HUNK: variants seen among roughly 807,000 people sequenced by gnomAD.
HUNK encodes hormonally up-regulated neu tumor-associated kinase.
In HUNK, 21 loss-of-function variants were observed where a neutral mutation model predicts 61.0. That is an observed-to-expected ratio of 0.34 (90% CI 0.24 to 0.50). HUNK has a LOEUF of 0.50. Among genes scored for constraint, HUNK ranks in the 20% least tolerant of loss-of-function variants. The probability of loss-of-function intolerance (pLI) is 0.98; values close to 1 mark genes in which losing one functional copy is unlikely to be tolerated. For missense variants in HUNK, 772 were observed against 945.7 expected (o/e 0.82, Z 2.41); for synonymous variants, 371 against 386.1 (o/e 0.96, Z 0.46).
chr21:31,973,793 G>A (rs2053029781), intron 6 of HUNK, among the ~76,000 whole-genome samples: 1 of 152,164 alleles, frequency 6.6e-6, no homozygotes. Flanking sequence ...AGGACTATCA[G>A]GATGACTAAG....
intron 1 of HUNK, among the ~76,000 whole-genome samples, chr21:31,878,738 A>G (rs1404665567): frequency 6.6e-6 from 1 of 152,212 alleles, no homozygotes; most frequent in Non-Finnish European, 1.5e-5. Flanking sequence ...AAAATTGATA[A>G]AAGTTGAAAA....
chr21:31,983,553 T>G lies in HUNK; in HGVS notation c.1201T>G (p.Tyr401Asp), dbSNP rs1415970921. 6.2e-7 allele frequency: 1 copy of G among 1,613,924 alleles called. No individual in the cohort carries two copies. Among genetic ancestry groups the G allele is most frequent in the Non-Finnish European group, 8.5e-7 (1 of 1,179,960 alleles). ...GKSDIQDSLC[Y>D]KTRLYQIEKY... is the part of the protein sequence containing the mutation. ...ATCTGACATCCAGGACAGCCTCTGC[T>G]ACAAGACCCGGCTCTACCAGATAGA... is the stretch of plus-strand genomic sequence containing the variant. Residue 401 changes from tyrosine (Y) to aspartate (D), a missense_variant, in exon 8 of 11, where the codon TAC (tyrosine) becomes GAC (aspartate). By Grantham distance (160) the Tyr-to-Asp change is radical. This residue lies in a region of HUNK where 413 missense variants were observed against 444.4 expected (regional missense o/e 0.93). Coordinates refer to ENST00000270112, the MANE Select transcript of HUNK (RefSeq NM_014586.2).
In HUNK at chr21:31,924,300, C is replaced by T. The variant is rs2052644618; in HGVS notation, c.262-168C>T. ...TGTGTGTGTGTTTGTGTGGTATATGCATAAATATAAATGTGTATATATATA... is the reference window on the plus strand; with the variant it reads ...TGTGTGTGTGTTTGTGTGGTATATGTATAAATATAAATGTGTATATATATA... On this transcript the variant is annotated intron_variant, in intron 1 of 10. Transcript: ENST00000270112. This position sits in a 1 kb window ranked among gnomAD's most constrained non-coding sequence, Gnocchi z 5.1. 6.8e-6 allele frequency among the ~76,000 whole-genome samples: 1 copy of T among 146,830 alleles called. No homozygotes were observed.
intron 7 of HUNK, among the ~76,000 whole-genome samples, chr21:31,976,175 G>A (rs2053047643): frequency 6.6e-6 from 1 of 152,220 alleles, no homozygotes; most frequent in Admixed American, 6.5e-5. Context: ...GCACCTCTCT[G>A]ATGGGGACAG....
intron 2 of HUNK, among the ~76,000 whole-genome samples, chr21:31,931,749 G>A (rs2052698054): frequency 6.6e-6 from 1 of 152,110 alleles, no homozygotes; most frequent in Non-Finnish European, 1.5e-5. Flanking sequence ...ACACCATTCA[G>A]TTCTTTGGAC....
At chr21:31,901,542 G>A (rs963463536) in intron 1 of HUNK, among the ~76,000 whole-genome samples, 34 of 152,266 alleles carry the variant, frequency 2.2e-4, no homozygotes, top group Middle Eastern at 3.4e-3. Context: ...TTGGCAGGCC[G>A]CCTCAGAGGG....
At chr21:31,959,115 G>C in intron 5 of HUNK, 145 bp downstream of exon 5, 1 of 822,084 alleles carries the variant, frequency 1.2e-6, no homozygotes, top group Non-Finnish European at 1.7e-6. Context: ...AAATAGAAGT[G>C]TCAAGGGGTG....
chr21:31,972,158 G>T (rs1392940109), intron 6 of HUNK, among the ~76,000 whole-genome samples: 2 of 152,206 alleles, frequency 1.3e-5, no homozygotes, highest in Non-Finnish European at 2.9e-5. Flanking sequence ...CCCTGCAGGG[G>T]CCTGGACAGT....
intron 3 of HUNK, among the ~76,000 whole-genome samples, chr21:31,945,078 T>G (rs980265260): frequency 6.6e-6 from 1 of 152,206 alleles, no homozygotes; most frequent in African/African-American, 2.4e-5. Context: ...ACTGGAAGCC[T>G]GTCTCTGCCT....
intron 1 of HUNK, among the ~76,000 whole-genome samples, 176 bp downstream of exon 1, chr21:31,874,111 C>G (rs1277928495): frequency 0.011 from 1 of 94 alleles, no homozygotes; most frequent in Non-Finnish European, 0.023. Flanking sequence ...CAGCCTTTCC[C>G]GAAGGCGGCC....
In HUNK at chr21:31,968,217, A is replaced by G. The variant is rs1161347035; in HGVS notation, c.875-33A>G. 4.3e-6 allele frequency: 7 copies of G among 1,613,670 alleles called. No homozygotes were observed. In the South Asian group the frequency reaches 7.7e-5, roughly 18 times the overall value. The stretch of plus-strand genomic sequence containing the variant: ...CACTGGTGTCTGCGTTCAGCCTGTA[A>G]CATGCGTGCATTCTTTCCCAAATGT... On this transcript the variant is annotated intron_variant, in intron 5 of 10. Coordinates refer to ENST00000270112, the MANE Select transcript of HUNK (RefSeq NM_014586.2).
chr21:31,919,566 G>T (rs2052609589), intron 1 of HUNK, among the ~76,000 whole-genome samples: 1 of 152,186 alleles, frequency 6.6e-6, no homozygotes, highest in African/African-American at 2.4e-5. Flanking sequence ...GTTCAGAGTG[G>T]TCTGCAGTGT....
intron 1 of HUNK, among the ~76,000 whole-genome samples, chr21:31,911,128 G>T (rs1255704818): frequency 1.3e-5 from 2 of 152,172 alleles, no homozygotes; most frequent in Non-Finnish European, 2.9e-5. Context: ...TCTTCCAACT[G>T]CACGTGGATT....
intron 4 of HUNK, among the ~76,000 whole-genome samples, chr21:31,951,799 CAG>C (rs1460360771): frequency 8.5e-5 from 13 of 152,170 alleles, no homozygotes; most frequent in African/African-American, 2.9e-4. Context: ...GCCTCAGACT[CAG>C]TGTTTTGTAA....
At chr21:31,965,968 GTTCCTTAGTGGCGA>G (rs869122926) in intron 5 of HUNK, among the ~76,000 whole-genome samples, 1 of 152,250 alleles carries the variant, frequency 6.6e-6, no homozygotes, top group African/African-American at 2.4e-5. Context: ...ACATGGATAA[GTTCCTTAGTGGCGA>G]TTTCTGAGAT....
intron 9 of HUNK, 110 bp from the exon 10 acceptor site, chr21:31,995,658 G>A: frequency 1.2e-6 from 1 of 859,804 alleles, no homozygotes; most frequent in Non-Finnish European, 1.9e-6. Context: ...AGAGCATAGA[G>A]TATTGAAAAG....
intron 7 of HUNK, 22 bp from the exon 8 acceptor site, chr21:31,983,504 T>G: frequency 6.3e-7 from 1 of 1,591,682 alleles, no homozygotes; most frequent in African/African-American, 1.3e-5. Flanking sequence ...TGAGCTGTGC[T>G]TTTTCTTTTC....
intron 2 of HUNK, among the ~76,000 whole-genome samples, chr21:31,939,712 GTGT>G (rs1035931865): frequency 9.2e-5 from 13 of 140,846 alleles, no homozygotes; most frequent in African/African-American, 3.4e-4. Flanking sequence ...CCGGCCTCAT[GTGT>G]TGTTTTTTTT....
intron 1 of HUNK, among the ~76,000 whole-genome samples, chr21:31,890,159 C>A (rs909005547): frequency 1.3e-5 from 2 of 151,818 alleles, no homozygotes; most frequent in Non-Finnish European, 2.9e-5. Flanking sequence ...CTTATACATA[C>A]TTTTTTATTG....
Sources: allele counts gnomAD v4.1 joint callset (sites outside exome capture counted in the v4.1 genomes callset), GRCh38; gene constraint gnomAD v4.1.1; regional missense constraint gnomAD v4.1.1; non-coding constraint Gnocchi (gnomAD v3.1); transcripts MANE v1.5; gene names NCBI Gene and HGNC (gene_info 2026-07-23, HGNC 2026-07-21).